The following SLC25A48 variants were observed in gnomAD, a reference collection of about 807,000 sequenced individuals.
SLC25A48 encodes CTC-321K16.1.
A neutral mutation model predicts 32.2 loss-of-function variants in SLC25A48; 29 were observed. The observed-to-expected ratio is 0.90, with a 90% CI of 0.67 to 1.23. The LOEUF (loss-of-function observed/expected upper bound fraction) is 1.23. SLC25A48 is among the 50% of genes most tolerant of loss of function. SLC25A48 has a pLI of 0.00. For synonymous variants in SLC25A48, 164 were observed against 172.3 expected (o/e 0.95, Z 0.38); for missense variants, 399 against 422.7 (o/e 0.94, Z 0.49).
rs1347016630 is a variant in SLC25A48 at position 135,616,892 on chromosome 5, TTCA to T, written c.-848-12341_-848-12339del. Among the ~76,000 whole-genome samples the T allele has an allele frequency of 2.0e-5, 3 of 152,234 alleles. No homozygotes were observed. In the East Asian group the frequency reaches 5.8e-4, roughly 29 times the overall value. Reference sequence around the variant, plus strand: ...TTTGTTAAGAAGTTTTATTTCTATGTTCATCAGGGATATGACCTGTAGTTTACT... The same window carrying T: ...TTTGTTAAGAAGTTTTATTTCTATGTTCAGGGATATGACCTGTAGTTTACT... On this transcript the variant is annotated intron_variant, in intron 1 of 10. Coordinates refer to the SLC25A48 transcript ENST00000646290.
intron 3 of SLC25A48, among the ~76,000 whole-genome samples, chr5:135,708,428 AG>A (rs1167467941): frequency 3.3e-5 from 5 of 152,304 alleles, no homozygotes; most frequent in African/African-American, 1.2e-4. Flanking sequence ...CTGAGTCCTC[AG>A]GTGCTTTGTC....
chr5:135,773,324 A>G (rs967504571), intron 3 of SLC25A48, among the ~76,000 whole-genome samples: 56 of 151,754 alleles, frequency 3.7e-4, no homozygotes, highest in African/African-American at 1.3e-3. Context: ...GAAAAATATC[A>G]TAGAAGGGGT....
At chr5:135,734,556 G>A (rs1471066816) in intron 3 of SLC25A48, among the ~76,000 whole-genome samples, 3 of 151,956 alleles carry the variant, frequency 2.0e-5, no homozygotes, top group Non-Finnish European at 1.5e-5. Context: ...GGCCGGGTGC[G>A]GTGGCTCACA....
chr5:135,872,968 C>T lies in SLC25A48; in HGVS notation c.680-1053C>T, dbSNP rs376739315. Among the ~76,000 whole-genome samples, 131 of 152,316 alleles carry T rather than the reference C, an allele frequency of 8.6e-4. 1 individual carries two copies. Among genetic ancestry groups the T allele is most frequent in the African/African-American group, 2.7e-3 (112 of 41,576 alleles). On this transcript the variant is annotated intron_variant, in intron 5 of 7. Transcript: ENST00000681962. ...AGTCAGTACCGACTGGCAGAGAGGA[C>T]GGCAAGGCCCCATTTGCTCTCACTT...
chr5:135,838,661 G>A (rs1375795737), intron 1 of SLC25A48, among the ~76,000 whole-genome samples: 1 of 152,266 alleles, frequency 6.6e-6, no homozygotes, highest in Non-Finnish European at 1.5e-5. Flanking sequence ...ATGGCTGAAA[G>A]GGGCCAAGGT....
intron 3 of SLC25A48, among the ~76,000 whole-genome samples, chr5:135,785,368 C>G (rs921600708): frequency 1.3e-5 from 2 of 151,336 alleles, no homozygotes; most frequent in South Asian, 2.1e-4. Flanking sequence ...AGGTGGAACC[C>G]TCCCCGCCGC....
chr5:135,725,301 T>A (rs555430859), intron 3 of SLC25A48, among the ~76,000 whole-genome samples: 1 of 152,092 alleles, frequency 6.6e-6, no homozygotes, highest in Non-Finnish European at 1.5e-5. Context: ...AGACAAGTGA[T>A]GTGAAGGAGA....
At chr5:135,852,524 C>T (rs747551306) in intron 3 of SLC25A48, 39 bp from the exon 4 acceptor site, 48 of 1,560,714 alleles carry the variant, frequency 3.1e-5, no homozygotes, top group Middle Eastern at 1.7e-4. Context: ...GACGGCAGCC[C>T]GGGGTCCTCA....
intron 3 of SLC25A48, among the ~76,000 whole-genome samples, chr5:135,719,987 G>A (rs1754909969): frequency 6.6e-6 from 1 of 152,224 alleles, no homozygotes; most frequent in Admixed American, 6.5e-5. Flanking sequence ...GTTCTGAAGG[G>A]GCTTGTAGAT....
At chr5:135,840,875 G>A (rs368544129) in intron 1 of SLC25A48, among the ~76,000 whole-genome samples, 24 of 152,292 alleles carry the variant, frequency 1.6e-4, no homozygotes, top group East Asian at 5.8e-4. Context: ...CAATGTTGCC[G>A]TGATGTGTGG....
intron 3 of SLC25A48, among the ~76,000 whole-genome samples, chr5:135,774,822 A>G (rs1374056718): frequency 6.6e-6 from 1 of 151,376 alleles, no homozygotes; most frequent in Non-Finnish European, 1.5e-5. Flanking sequence ...AGGGGTGTAC[A>G]CACCCCTGTG....
chr5:135,790,986 A>G (rs1319687723), intron 3 of SLC25A48, among the ~76,000 whole-genome samples: 1 of 83,186 alleles, frequency 1.2e-5, no homozygotes, highest in African/African-American at 3.0e-5. Context: ...TATTATTTGT[A>G]TAATTACGGG....
chr5:135,669,171 AG>A (rs1753594066), intron 3 of SLC25A48, among the ~76,000 whole-genome samples: 1 of 152,202 alleles, frequency 6.6e-6, no homozygotes, highest in Admixed American at 6.5e-5. Flanking sequence ...TGATGTGCCT[AG>A]GATAACATGG....
intron 4 of SLC25A48, among the ~76,000 whole-genome samples, chr5:135,816,164 G>C (rs11951868): frequency 6.6e-6 from 1 of 152,056 alleles, no homozygotes; most frequent in African/African-American, 2.4e-5. Context: ...AGAACAGCAC[G>C]GGGGAAACCA....
intron 1 of SLC25A48, among the ~76,000 whole-genome samples, chr5:135,627,522 T>C (rs1389197218): frequency 6.6e-6 from 1 of 152,192 alleles, no homozygotes; most frequent in Non-Finnish European, 1.5e-5. Context: ...CCCCGTGTGG[T>C]CTTTCTGCTC....
Position 135,585,195 on chromosome 5 carries a change from G to A in SLC25A48, c.-849+5598G>A, listed in dbSNP as rs139867110. ...AGGGGAACAAGCAGCCCCTCCATCC[G>A]GCCTCACTTGTCCTCATTCTGCTCT... is the stretch of plus-strand genomic sequence containing the variant. On this transcript the variant is annotated intron_variant, in intron 1 of 10. Coordinates refer to the SLC25A48 transcript ENST00000646290. Among the ~76,000 whole-genome samples, 27 of 152,226 alleles carry A rather than the reference G, an allele frequency of 1.8e-4. No homozygotes were observed. In the East Asian group the frequency reaches 1.9e-3, roughly 11 times the overall value.
At chr5:135,840,560 G>A (rs1218888604) in intron 1 of SLC25A48, among the ~76,000 whole-genome samples, 2 of 152,166 alleles carry the variant, frequency 1.3e-5, no homozygotes, top group African/African-American at 2.4e-5. Flanking sequence ...CGCTTCAAGA[G>A]TCACTCCCAT....
At position 135,717,954 on chromosome 5, in the gene SLC25A48, A is replaced by T. The variant is rs367702638; in HGVS notation, c.-521+82998A>T. Among the ~76,000 whole-genome samples the T allele has an allele frequency of 2.2e-4, 34 of 152,256 alleles. No individual in the cohort carries two copies. The South Asian group carries it at 6.9e-3, about 31-fold the overall frequency. On this transcript the variant is annotated intron_variant, in intron 3 of 10. Transcript: ENST00000646290. ...CTTGTCTCTCAGCATATGGCCACGT[A>T]AGTCAAATTTAAAAAGTCAATTTTC...
intron 3 of SLC25A48, among the ~76,000 whole-genome samples, chr5:135,683,722 C>G (rs1044588995): frequency 1.3e-5 from 2 of 152,208 alleles, no homozygotes; most frequent in Admixed American, 1.3e-4. Flanking sequence ...ATATACCTTA[C>G]AGTTTCTAGT....
Sources: allele counts gnomAD v4.1 joint callset (sites outside exome capture counted in the v4.1 genomes callset), GRCh38; gene constraint gnomAD v4.1.1; transcripts MANE v1.5; gene names NCBI Gene and HGNC (gene_info 2026-07-23, HGNC 2026-07-21).